EYA1: variants seen among roughly 807,000 people sequenced by gnomAD.
EYA1 encodes protein phosphatase EYA1.
A neutral mutation model predicts 82.0 loss-of-function variants in EYA1; 16 were observed. The ratio of observed to expected loss-of-function variants is 0.20; its 90% CI spans 0.13 to 0.30. EYA1 has a LOEUF of 0.30. Among genes scored for constraint, EYA1 ranks in the 10% least tolerant of loss-of-function variants. The pLI is 1.00. For synonymous variants in EYA1, 261 were observed against 264.4 expected (o/e 0.99, Z 0.12); for missense variants, 633 against 730.7 (o/e 0.87, Z 1.54).
intron 12 of EYA1, among the ~76,000 whole-genome samples, chr8:71,217,226 A>G (rs934306049): frequency 1.4e-4 from 21 of 152,188 alleles, no homozygotes; most frequent in African/African-American, 4.8e-4. Context: ...CAACATCGTT[A>G]AGGACTACTG....
At chr8:71,269,255 CCATT>C (rs1288646330) in intron 11 of EYA1, among the ~76,000 whole-genome samples, 1 of 152,096 alleles carries the variant, frequency 6.6e-6, no homozygotes, top group African/African-American at 2.4e-5. Flanking sequence ...ATCTTACATA[CCATT>C]CAAATACATT....
intron 7 of EYA1, among the ~76,000 whole-genome samples, chr8:71,307,917 C>A (rs1216169565): frequency 6.6e-6 from 1 of 152,180 alleles, no homozygotes; most frequent in Non-Finnish European, 1.5e-5. Context: ...TTAATGAAAA[C>A]AAGTCTTGCT....
At chr8:71,383,145 A>G (rs1431767265) in intron 2 of EYA1, among the ~76,000 whole-genome samples, 2 of 151,940 alleles carry the variant, frequency 1.3e-5, no homozygotes, top group African/African-American at 4.8e-5. Context: ...TTATGAAAAT[A>G]CAAATTTACA....
intron 9 of EYA1, among the ~76,000 whole-genome samples, chr8:71,289,079 T>A (rs182761825): frequency 1.1e-3 from 173 of 152,176 alleles, no homozygotes; most frequent in African/African-American, 3.9e-3. Flanking sequence ...TTATTTAAAA[T>A]TTTTTTTAAA....
At chr8:71,244,288 G>A (rs780835905) in intron 12 of EYA1, among the ~76,000 whole-genome samples, 1 of 152,182 alleles carries the variant, frequency 6.6e-6, no homozygotes, top group Non-Finnish European at 1.5e-5. Context: ...CAAGTGTTAC[G>A]AATTATGTTG....
chr8:71,406,311 A>G (rs1004246235), intron 2 of EYA1, among the ~76,000 whole-genome samples: 1 of 152,266 alleles, frequency 6.6e-6, no homozygotes, highest in African/African-American at 2.4e-5. Flanking sequence ...AATGACCATT[A>G]CAGAAATGAG....
intron 2 of EYA1, among the ~76,000 whole-genome samples, chr8:71,378,690 T>C (rs1828518926): frequency 1.3e-5 from 2 of 152,224 alleles, no homozygotes; most frequent in Admixed American, 1.3e-4. Context: ...ATATGTGAGG[T>C]AATATATTTT....
At chr8:71,281,733 G>C (rs539745332) in intron 9 of EYA1, among the ~76,000 whole-genome samples, 1 of 152,330 alleles carries the variant, frequency 6.6e-6, no homozygotes, top group East Asian at 1.9e-4. Context: ...CCTGCAACTT[G>C]GTTCAGTAGT....
intron 7 of EYA1, among the ~76,000 whole-genome samples, chr8:71,307,794 T>C (rs1014643256): frequency 2.6e-5 from 4 of 152,206 alleles, no homozygotes; most frequent in African/African-American, 9.6e-5. Flanking sequence ...GATGTTAACC[T>C]TGTTAGTCCA....
Position 71,453,836 on chromosome 8 carries a change from T to C in EYA1, c.33+81908A>G, listed in dbSNP as rs570883609. Among the ~76,000 whole-genome samples the C allele has an allele frequency of 1.7e-4, 26 of 152,228 alleles. No homozygotes were observed. In the East Asian group the frequency reaches 3.7e-3, roughly 21 times the overall value. On this transcript the variant is annotated intron_variant, in intron 2 of 18. Coordinates refer to the EYA1 transcript ENST00000643681. ...AAAATATGCCGAATTGTAAAGACCATCGATGCTAGGAAGAAGCTGCATCAA... is the reference window on the plus strand; with the variant it reads ...AAAATATGCCGAATTGTAAAGACCACCGATGCTAGGAAGAAGCTGCATCAA...
At chr8:71,435,675 C>A (rs549733464) in intron 2 of EYA1, among the ~76,000 whole-genome samples, 1 of 152,132 alleles carries the variant, frequency 6.6e-6, no homozygotes, top group African/African-American at 2.4e-5. Context: ...TCTATATAAG[C>A]ATAATTTAAA....
intron 2 of EYA1, among the ~76,000 whole-genome samples, chr8:71,394,884 G>A (rs961269075): frequency 2.0e-5 from 3 of 152,158 alleles, no homozygotes; most frequent in Non-Finnish European, 2.9e-5. Flanking sequence ...ACCTTGGGCA[G>A]TATGGCCATT....
At chr8:71,221,603 G>GTAGT (rs934095488) in intron 12 of EYA1, among the ~76,000 whole-genome samples, 3 of 152,170 alleles carry the variant, frequency 2.0e-5, no homozygotes, top group Non-Finnish European at 2.9e-5. Context: ...TCACATACAG[G>GTAGT]TAGTTAGCCA....
intron 3 of EYA1, among the ~76,000 whole-genome samples, chr8:71,338,261 A>G (rs988194887): frequency 2.4e-4 from 36 of 152,254 alleles, no homozygotes; most frequent in African/African-American, 8.4e-4. Flanking sequence ...TCAAGAAGGC[A>G]GGACCAAATT....
intron 2 of EYA1, among the ~76,000 whole-genome samples, chr8:71,413,022 C>T (rs1361922942): frequency 2.6e-5 from 4 of 152,044 alleles, no homozygotes; most frequent in African/African-American, 9.7e-5. Flanking sequence ...GCTGAGAAAG[C>T]AGAATCACTG....
At chr8:71,385,123 T>C (rs1044303480) in intron 2 of EYA1, among the ~76,000 whole-genome samples, 1 of 152,104 alleles carries the variant, frequency 6.6e-6, no homozygotes, top group African/African-American at 2.4e-5. Context: ...AGTTCTCCTA[T>C]CTGAGCCTCC....
At chr8:71,405,767 C>A (rs905111916) in intron 2 of EYA1, among the ~76,000 whole-genome samples, 2 of 151,646 alleles carry the variant, frequency 1.3e-5, no homozygotes, top group Non-Finnish European at 2.9e-5. Context: ...TTCCATATAC[C>A]CCTTACAAAA....
intron 2 of EYA1, among the ~76,000 whole-genome samples, chr8:71,440,322 C>T (rs938260612): frequency 6.6e-6 from 1 of 152,112 alleles, no homozygotes; most frequent in Non-Finnish European, 1.5e-5. Context: ...CAGTTTTGTG[C>T]TTTAGAAAGA....
intron 16 of EYA1, 118 bp from the exon 17 acceptor site, chr8:71,211,374 C>A: frequency 1.4e-6 from 1 of 708,232 alleles, no homozygotes; most frequent in South Asian, 1.5e-5. Flanking sequence ...CCCACTAGTA[C>A]CTCTAAGAGG....
Sources: gnomAD v4.1 joint callset for allele counts (sites outside exome capture counted in the v4.1 genomes callset) on GRCh38, gnomAD v4.1.1 for gene constraint, MANE v1.5 for transcripts, NCBI Gene and HGNC (gene_info 2026-07-23, HGNC 2026-07-21) for gene names.